Variants in IFT57 observed in about 807,000 individuals in gnomAD.
IFT57 encodes the protein intraflagellar transport protein 57 homolog.
A neutral mutation model predicts 56.8 loss-of-function variants in IFT57; 59 were observed. The observed-to-expected ratio is 1.04, with a 90% CI of 0.84 to 1.29. The LOEUF (loss-of-function observed/expected upper bound fraction) is 1.29. Among genes scored for constraint, IFT57 ranks in the 50% most tolerant of loss-of-function variants. IFT57 has a pLI of 0.00. For missense variants in IFT57, 470 were observed against 522.1 expected (o/e 0.90, Z 0.97); for synonymous variants, 209 against 186.1 (o/e 1.12, Z -1.00).
At chr3:108,177,611 T>C (rs1432364323) in intron 6 of IFT57, among the ~76,000 whole-genome samples, 1 of 151,482 alleles carries the variant, frequency 6.6e-6, no homozygotes, top group Non-Finnish European at 1.5e-5. Flanking sequence ...ACAAATTGTA[T>C]AACCATTTCA....
rs1019099594 is a variant in IFT57, at chr3:108,206,134, C to G, written c.654+494G>C. Among the ~76,000 whole-genome samples the G allele has an allele frequency of 5.2e-5, 7 of 133,714 alleles. No individual in the cohort carries two copies. The South Asian group carries it at 1.6e-3, about 30-fold the overall frequency. 87.7% of individuals were successfully genotyped at this position (133,714 alleles called of 152,430 possible). The stretch of plus-strand genomic sequence containing the variant: ...ATATGGTGAATGTAAAAATATATAT[C>G]TGAAATATCTCATTGTATATGTACT... On this transcript the variant is annotated intron_variant, in intron 5 of 10. Transcript: ENST00000264538.
At chr3:108,179,216 G>C (rs1315748075) in intron 6 of IFT57, among the ~76,000 whole-genome samples, 2 of 151,832 alleles carry the variant, frequency 1.3e-5, no homozygotes, top group East Asian at 3.9e-4. Flanking sequence ...AATTTTAGTT[G>C]CAGTGGTAGA....
chr3:108,212,977 T>C (rs1214526213), intron 4 of IFT57, among the ~76,000 whole-genome samples: 2 of 152,288 alleles, frequency 1.3e-5, no homozygotes, highest in East Asian at 1.9e-4. Context: ...CTCTTCTTCC[T>C]TAGGCTACTC....
intron 6 of IFT57, among the ~76,000 whole-genome samples, chr3:108,189,716 G>A (rs2080204422): frequency 6.6e-6 from 1 of 152,142 alleles, no homozygotes; most frequent in Non-Finnish European, 1.5e-5. Flanking sequence ...GAACAATGCA[G>A]AGGTTGGTCG....
intron 5 of IFT57, among the ~76,000 whole-genome samples, chr3:108,201,230 G>A (rs1435939196): frequency 6.6e-6 from 1 of 152,168 alleles, no homozygotes; most frequent in Non-Finnish European, 1.5e-5. Context: ...AAGGGACCTT[G>A]AAAAGTCCTT....
chr3:108,192,425 A>G lies in IFT57; in HGVS notation c.655-782T>C, dbSNP rs547397192. ...TTCTGCATTTGCTTTCTGCATTGGA[A>G]TAATAAAAATCAATCATGATTGTTT... On this transcript the variant is annotated intron_variant, in intron 5 of 10. Transcript: ENST00000264538. Among the ~76,000 whole-genome samples the G allele has an allele frequency of 5.8e-4, 88 of 152,240 alleles. 1 individual carries two copies. Among genetic ancestry groups the G allele is most frequent in the Non-Finnish European group, 1.0e-3 (70 of 68,014 alleles).
intron 8 of IFT57, among the ~76,000 whole-genome samples, chr3:108,166,311 C>A (rs540243306): frequency 1.3e-5 from 2 of 152,124 alleles, no homozygotes; most frequent in African/African-American, 4.8e-5. Context: ...AGAACTGGTG[C>A]TTTCAAAGTC....
Position 108,162,275 on chromosome 3 carries a change from G to C in IFT57, c.*202C>G, listed in dbSNP as rs1444346516. 7.4e-6 allele frequency: 3 copies of C among 402,818 alleles called. No homozygotes were observed. Among genetic ancestry groups the C allele is most frequent in the Non-Finnish European group, 1.3e-5 (3 of 229,522 alleles). 25.0% of individuals were successfully genotyped at this position (402,818 alleles called of 1,614,324 possible). A position where few individuals can be genotyped will look rare whatever the true frequency, so the allele number is the denominator to read the frequency against. On this transcript the variant is annotated 3_prime_UTR_variant, in exon 11 of 11. Transcript: ENST00000264538. ...ATGATTAGTGAAAGCTTCTTAGAAAGTGAGAATTTGTAATTTCTTTATTAA... is the reference window on the plus strand; with the variant it reads ...ATGATTAGTGAAAGCTTCTTAGAAACTGAGAATTTGTAATTTCTTTATTAA...
chr3:108,215,408 A>T (rs955773609), intron 3 of IFT57, among the ~76,000 whole-genome samples: 4 of 152,020 alleles, frequency 2.6e-5, no homozygotes, highest in Non-Finnish European at 5.9e-5. Context: ...CAAAAAAAAT[A>T]AAAAATTAGC....
chr3:108,178,925 T>A (rs1052868730), intron 6 of IFT57, among the ~76,000 whole-genome samples: 1 of 146,464 alleles, frequency 6.8e-6, no homozygotes, highest in Non-Finnish European at 1.5e-5. Flanking sequence ...CCAGTAGAAA[T>A]GTGTACATAA....
chr3:108,174,729 T>C (rs534264376), intron 6 of IFT57, among the ~76,000 whole-genome samples: 2 of 151,922 alleles, frequency 1.3e-5, no homozygotes, highest in South Asian at 4.1e-4. Flanking sequence ...AAACATCCAT[T>C]CATCTGCTCT....
intron 1 of IFT57, among the ~76,000 whole-genome samples, chr3:108,221,106 G>A (rs752211418): frequency 6.6e-6 from 1 of 151,776 alleles, no homozygotes; most frequent in Non-Finnish European, 1.5e-5. Flanking sequence ...TCTTTTCTCC[G>A]ACCATGGACT....
At chr3:108,219,362 A>G (rs1194153522) in intron 2 of IFT57, 48 bp downstream of exon 2, 1 of 1,503,492 alleles carries the variant, frequency 6.7e-7, no homozygotes, top group South Asian at 1.1e-5. Context: ...ACCAGTATTA[A>G]AATTCATAAC....
At chr3:108,202,001 A>C (rs1308983743) in intron 5 of IFT57, among the ~76,000 whole-genome samples, 1 of 152,224 alleles carries the variant, frequency 6.6e-6, no homozygotes, top group East Asian at 1.9e-4. Context: ...TTGTGTTTAA[A>C]CCTTTTGAGA....
intron 5 of IFT57, among the ~76,000 whole-genome samples, chr3:108,198,360 G>C (rs1161143470): frequency 6.6e-6 from 1 of 152,062 alleles, no homozygotes; most frequent in Non-Finnish European, 1.5e-5. Flanking sequence ...TTATGTTTTT[G>C]ATTTTCTTGT....
intron 1 of IFT57, chr3:108,221,881 T>C (rs965172974): frequency 1.3e-6 from 1 of 788,894 alleles, no homozygotes; most frequent in Non-Finnish European, 1.9e-6. Context: ...CTTCCGATCC[T>C]TTCTGCCGTT....
At chr3:108,181,121 C>G (rs942645042) in intron 6 of IFT57, among the ~76,000 whole-genome samples, 1 of 151,976 alleles carries the variant, frequency 6.6e-6, no homozygotes, top group Non-Finnish European at 1.5e-5. Context: ...ATAAACGGAA[C>G]CTTTCTCTGA....
At chr3:108,168,894 T>C (rs181618599) in intron 6 of IFT57, among the ~76,000 whole-genome samples, 36 of 152,204 alleles carry the variant, frequency 2.4e-4, no homozygotes, top group East Asian at 1.6e-3. Flanking sequence ...CAGTCTATCA[T>C]TGATGGGGAT....
At chr3:108,210,353 A>ATTTTTTTTTT in intron 4 of IFT57, among the ~76,000 whole-genome samples, 1 of 42,350 alleles carries the variant, frequency 2.4e-5, no homozygotes, top group African/African-American at 6.1e-5. Flanking sequence ...TTTTTTTTTG[A>ATTTTTTTTTT]GACAGAGTCT....
Sources: gnomAD v4.1 joint callset for allele counts (sites outside exome capture counted in the v4.1 genomes callset) on GRCh38, gnomAD v4.1.1 for gene constraint, MANE v1.5 for transcripts, NCBI Gene and HGNC (gene_info 2026-07-23, HGNC 2026-07-21) for gene names.